The following KDF1 variants were observed in gnomAD, a reference collection of about 807,000 sequenced individuals.
KDF1 encodes the protein RP11-344H11.3.
In KDF1, 11 loss-of-function variants were observed where a neutral mutation model predicts 31.6. The observed-to-expected ratio is 0.35, with a 90% CI of 0.22 to 0.58. The LOEUF (loss-of-function observed/expected upper bound fraction) is 0.58, where lower values mean the gene tolerates loss of function less well. Among genes scored for constraint, KDF1 ranks in the 20% least tolerant of loss-of-function variants. KDF1 has a pLI of 0.83. For missense variants in KDF1, 476 were observed against 549.1 expected (o/e 0.87, Z 1.33); for synonymous variants, 205 against 214.4 (o/e 0.96, Z 0.38).
rs750837066 is a variant in KDF1 at position 26,952,391 on chromosome 1, A to G, written c.-11T>C. 7.5e-5 allele frequency: 113 copies of G among 1,499,252 alleles called. No homozygotes were observed. The Middle Eastern group carries it at 7.9e-4, about 11-fold the overall frequency. The allele number at this position is 1,499,252 out of a possible 1,614,324, so 92.9% of individuals were successfully genotyped here. On this transcript the variant is annotated 5_prime_UTR_variant, in exon 2 of 4. It removes an upstream start codon present in the reference 5' UTR. Coordinates refer to ENST00000320567, the MANE Select transcript of KDF1 (RefSeq NM_152365.3). This position sits in a 1 kb window ranked among gnomAD's most constrained non-coding sequence, Gnocchi z 4.1. ...TCCAGGGCGGGGCATGGCTCATTGC[A>G]TGGTTTGTAGCAGCCAGGCACCTGC... is the stretch of plus-strand genomic sequence containing the variant.
In KDF1 at chr1:26,950,562, G is replaced by T; in HGVS notation, c.1114+120C>A. 1.2e-6 allele frequency: 1 copy of T among 832,652 alleles called. No individual in the cohort carries two copies. Among genetic ancestry groups the T allele is most frequent in the Non-Finnish European group, 2.0e-6 (1 of 500,350 alleles). 51.6% of individuals were successfully genotyped at this position (832,652 alleles called of 1,614,324 possible). ...TGGAGACAGGTCTGTGGCTGCTTAG[G>T]TCCCCGTCCCTTTTTGATGTCATCC... On this transcript the variant is annotated intron_variant, in intron 3 of 3. Coordinates refer to ENST00000320567, the MANE Select transcript of KDF1 (RefSeq NM_152365.3). The surrounding 1 kb of genome is among the most constrained non-coding windows in gnomAD (Gnocchi z 4.0).
intron 1 of KDF1, among the ~76,000 whole-genome samples, chr1:26,954,095 G>A (rs573536453): frequency 2.6e-5 from 4 of 152,108 alleles, no homozygotes; most frequent in Non-Finnish European, 5.9e-5. Context: ...AGTGTTGAAT[G>A]GGTAGGGAGT....
At chr1:26,957,287 C>CT (rs1220296022) in intron 1 of KDF1, among the ~76,000 whole-genome samples, 2 of 152,164 alleles carry the variant, frequency 1.3e-5, no homozygotes, top group Non-Finnish European at 2.9e-5. Context: ...CTCTCCTGGC[C>CT]TTACTCAGCA....
At position 26,952,704 on chromosome 1, in the gene KDF1, G is replaced by T. The variant is rs1391209318; in HGVS notation, c.-32-292C>A. Reference sequence around the variant, plus strand: ...GCTATGAAAGGTTGAACATTGGCCGGGCGTGGTGGCTCACGCCTGTAATCC... The same window carrying T: ...GCTATGAAAGGTTGAACATTGGCCGTGCGTGGTGGCTCACGCCTGTAATCC... On this transcript the variant is annotated intron_variant, in intron 1 of 3. Transcript: ENST00000320567. This position sits in a 1 kb window ranked among gnomAD's most constrained non-coding sequence, Gnocchi z 4.1. 1.3e-5 allele frequency among the ~76,000 whole-genome samples: 2 copies of T among 152,182 alleles called. No homozygotes were observed. Among genetic ancestry groups the T allele is most frequent in the Non-Finnish European group, 2.9e-5 (2 of 68,030 alleles).
Position 26,950,199 on chromosome 1 carries a change from T to G in KDF1, c.1115-48A>C, listed in dbSNP as rs376445173. ...AGGAAACAGGCTCAGGGGAAGGAGC[T>G]CATCCAGATCCCATGACCAGGGAGA... On this transcript the variant is annotated intron_variant, in intron 3 of 3. Coordinates refer to ENST00000320567, the MANE Select transcript of KDF1 (RefSeq NM_152365.3). The surrounding 1 kb of genome is among the most constrained non-coding windows in gnomAD (Gnocchi z 4.0). 1.8e-4 allele frequency: 280 copies of G among 1,527,984 alleles called. 3 individuals are homozygous for G. In the African/African-American group the frequency reaches 3.6e-3, roughly 20 times the overall value. The allele number at this position is 1,527,984 out of a possible 1,614,324, so 94.7% of individuals were successfully genotyped here.
Position 26,949,821 on chromosome 1 carries a change from C to T in KDF1, c.*248G>A. On this transcript the variant is annotated 3_prime_UTR_variant, in exon 4 of 4. Coordinates refer to ENST00000320567, the MANE Select transcript of KDF1 (RefSeq NM_152365.3). ...CTCCTTACTTTCCATGATCAGGCCA[C>T]CTGAAGACCATGAGCAGGAAGGAAG... The T allele has an allele frequency of 4.3e-6, 2 of 465,422 alleles. No individual in the cohort carries two copies. The highest frequency in any genetic ancestry group is 4.0e-6 in the Non-Finnish European group (1 of 252,708). The allele number at this position is 465,422 out of a possible 1,614,324, so 28.8% of individuals were successfully genotyped here. A position where few individuals can be genotyped will look rare whatever the true frequency, so the allele number is the denominator to read the frequency against.
rs1474217705 is a variant in KDF1 at position 26,951,284 on chromosome 1, C to G, written c.1039+58G>C. The G allele has an allele frequency of 4.9e-6, 7 of 1,438,756 alleles. No homozygotes were observed. The highest frequency in any genetic ancestry group is 6.4e-6 in the Non-Finnish European group (7 of 1,085,552). 89.1% of individuals were successfully genotyped at this position (1,438,756 alleles called of 1,614,324 possible). ...AGTGACTAAAGACCCCATTCCAACC[C>G]TCCCCTGGCCAGAGCCTCCCCTACT... On this transcript the variant is annotated intron_variant, in intron 2 of 3. Coordinates refer to ENST00000320567, the MANE Select transcript of KDF1 (RefSeq NM_152365.3). The surrounding 1 kb of genome is among the most constrained non-coding windows in gnomAD (Gnocchi z 5.4).
At chr1:26,958,338 G>A (rs920396555) in intron 1 of KDF1, among the ~76,000 whole-genome samples, 2 of 151,528 alleles carry the variant, frequency 1.3e-5, no homozygotes, top group African/African-American at 4.9e-5. Context: ...GTTTCACCAT[G>A]TTAGTCAGGA....
In KDF1 at chr1:26,950,982, T is replaced by G. The variant is rs1485215962; in HGVS notation, c.1040-226A>C. Reference sequence around the variant, plus strand: ...GGTCAGAGGCCCAAATTCATGTGGGTCCCTAGGTCCTGTTCACCAGACCAG... The same window carrying G: ...GGTCAGAGGCCCAAATTCATGTGGGGCCCTAGGTCCTGTTCACCAGACCAG... On this transcript the variant is annotated intron_variant, in intron 2 of 3. Transcript: ENST00000320567. The surrounding 1 kb of genome is among the most constrained non-coding windows in gnomAD (Gnocchi z 4.0). Among the ~76,000 whole-genome samples the G allele has an allele frequency of 6.6e-6, 1 of 152,050 alleles. No homozygotes were observed. The highest frequency in any genetic ancestry group is 1.5e-5 in the Non-Finnish European group (1 of 68,004).
rs144571438 is a variant in KDF1 at position 26,954,409 on chromosome 1, A to G, written c.-32-1997T>C. On this transcript the variant is annotated intron_variant, in intron 1 of 3. Transcript: ENST00000320567. The stretch of plus-strand genomic sequence containing the variant: ...CAGCTAAGTTTTGTATTTTTAGTAG[A>G]GACAGGATTTCACCATGTTGGCTAG... Among the ~76,000 whole-genome samples, 253 of 151,960 alleles carry G rather than the reference A, an allele frequency of 1.7e-3. 1 individual carries two copies. The highest frequency in any genetic ancestry group is 4.9e-3 in the African/African-American group (203 of 41,502).
At position 26,951,383 on chromosome 1, in the gene KDF1, C is replaced by T. The variant is rs1443795367; in HGVS notation, c.998G>A (p.Ser333Asn). The change falls in exon 2 of 4, where the codon AGT becomes AAT. Residue 333 changes from serine (S) to asparagine (N), a missense_variant. Around this residue, in one of 2 missense-constraint regions of KDF1, gnomAD observed 146 missense variants for 216.8 expected, o/e 0.67. Transcript: ENST00000320567. The surrounding 1 kb of genome is among the most constrained non-coding windows in gnomAD (Gnocchi z 5.4). ...TGAGCCCACCATGGTCTCATGGCCA[C>T]TGTCAGGGGCAGCAGCGGTTGGGGC... ...AAAPTAAAPD[S>N]GHETMVGSGL... 1.2e-6 allele frequency: 2 copies of T among 1,603,382 alleles called. No individual in the cohort carries two copies. Among genetic ancestry groups the T allele is most frequent in the African/African-American group, 2.7e-5 (2 of 74,756 alleles).
In KDF1 at chr1:26,951,830, G is replaced by T; in HGVS notation, c.551C>A (p.Ala184Glu). ...CAGTGGCTCCTTGCAGCAGGAGTCC[G>T]CATCAGGGGCTGGGGAGGTGGCCCT... ...YPRATSPAPDADSCCKEPLAD... is the reference protein window; with the variant it reads ...YPRATSPAPDEDSCCKEPLAD... Residue 184 changes from alanine to glutamate, a missense_variant, in exon 2 of 4, where the codon GCG (alanine) becomes GAG (glutamate). Around this residue, in one of 2 missense-constraint regions of KDF1, gnomAD observed 330 missense variants for 332.3 expected, o/e 0.99. Coordinates refer to ENST00000320567, the MANE Select transcript of KDF1 (RefSeq NM_152365.3). The surrounding 1 kb of genome is among the most constrained non-coding windows in gnomAD (Gnocchi z 5.4). 6.2e-6 allele frequency: 10 copies of T among 1,614,058 alleles called. No homozygotes were observed. Among genetic ancestry groups the T allele is most frequent in the Non-Finnish European group, 8.5e-6 (10 of 1,180,012 alleles).
chr1:26,952,799 G>A lies in KDF1; in HGVS notation c.-32-387C>T, dbSNP rs2082359059. Among the ~76,000 whole-genome samples, 2 of 151,990 alleles carry A rather than the reference G, an allele frequency of 1.3e-5. No individual in the cohort carries two copies. Among genetic ancestry groups the A allele is most frequent in the South Asian group, 4.1e-4 (2 of 4,820 alleles). ...AGTTCGAGACCAACCTGACTAACAT[G>A]GTGAAACTCCGTCTCTACTAAAAAT... On this transcript the variant is annotated intron_variant, in intron 1 of 3. Transcript: ENST00000320567. The surrounding 1 kb of genome is among the most constrained non-coding windows in gnomAD (Gnocchi z 4.1).
At chr1:26,957,621 G>A (rs2082382864) in intron 1 of KDF1, among the ~76,000 whole-genome samples, 1 of 152,100 alleles carries the variant, frequency 6.6e-6, no homozygotes, top group South Asian at 2.1e-4. Flanking sequence ...TAGGAGGTGA[G>A]GGAGAGAGTG....
At chr1:26,957,089 A>G (rs968738844) in intron 1 of KDF1, among the ~76,000 whole-genome samples, 35 of 151,902 alleles carry the variant, frequency 2.3e-4, no homozygotes, top group African/African-American at 8.0e-4. Flanking sequence ...ACCCTGCCCC[A>G]CTAGTTTTTT....
chr1:26,957,422 A>G (rs1028693673), intron 1 of KDF1, among the ~76,000 whole-genome samples: 1 of 152,202 alleles, frequency 6.6e-6, no homozygotes, highest in African/African-American at 2.4e-5. Context: ...TATGTCCCCA[A>G]GGACCATGAC....
chr1:26,958,516 T>C (rs527920239), intron 1 of KDF1, among the ~76,000 whole-genome samples: 80 of 152,312 alleles, frequency 5.3e-4, no homozygotes, highest in African/African-American at 1.9e-3. Context: ...TGAGAGTTGA[T>C]TATTGATGGC....
rs1479708191 is a variant in KDF1, at chr1:26,951,157, G to A, written c.1039+185C>T. Reference sequence around the variant, plus strand: ...CTGCATGCTTCTCTCAGCCTTGCTCGGACCTCACCAGGAAGGGCCAGAGTG... The same window carrying A: ...CTGCATGCTTCTCTCAGCCTTGCTCAGACCTCACCAGGAAGGGCCAGAGTG... On this transcript the variant is annotated intron_variant, in intron 2 of 3. Transcript: ENST00000320567. This position sits in a 1 kb window ranked among gnomAD's most constrained non-coding sequence, Gnocchi z 5.4. 3.3e-5 allele frequency among the ~76,000 whole-genome samples: 5 copies of A among 152,190 alleles called. No homozygotes were observed. The East Asian group carries it at 9.6e-4, about 29-fold the overall frequency.
At chr1:26,959,517 T>C (rs756104935) in intron 1 of KDF1, among the ~76,000 whole-genome samples, 53 of 152,196 alleles carry the variant, frequency 3.5e-4, no homozygotes, top group Admixed American at 5.2e-4. Context: ...AAATGAAATA[T>C]TGAGTGCAGG....
Sources: gnomAD v4.1 joint callset for allele counts (sites outside exome capture counted in the v4.1 genomes callset) on GRCh38, gnomAD v4.1.1 for gene constraint, gnomAD v4.1.1 regional missense constraint, Gnocchi (gnomAD v3.1) non-coding constraint, MANE v1.5 for transcripts, NCBI Gene and HGNC (gene_info 2026-07-23, HGNC 2026-07-21) for gene names.